The following PARD3 variants were observed in gnomAD, a reference collection of about 807,000 sequenced individuals.
The protein encoded by PARD3 is par-3 family cell polarity regulator, also known as partitioning defective 3 homolog.
PARD3 carries 75 observed loss-of-function variants against 155.4 expected under a neutral mutation model. The ratio of observed to expected loss-of-function variants is 0.48; its 90% CI spans 0.40 to 0.58. The LOEUF is 0.58. Ranked by LOEUF, PARD3 falls within the 20% of genes least tolerant of loss-of-function variation. The pLI is 0.00. For missense variants in PARD3, 1,642 were observed against 1,721.7 expected, an observed-to-expected ratio of 0.95 and a Z score of 0.82; for synonymous variants, 576 against 610.5, an observed-to-expected ratio of 0.94 and a Z score of 0.83.
At chr10:34,684,394 T>C (rs1329025417) in intron 2 of PARD3, among the ~76,000 whole-genome samples, 2 of 152,202 alleles carry the variant, frequency 1.3e-5, no homozygotes. Context: ...CACAGATTTA[T>C]CTACGGTTAG....
intron 22 of PARD3, among the ~76,000 whole-genome samples, chr10:34,198,349 G>C (rs1217149631): frequency 6.6e-6 from 1 of 151,970 alleles, no homozygotes; most frequent in African/African-American, 2.4e-5. Context: ...TAGTGACTCA[G>C]CAAAAGACAG....
intron 5 of PARD3, among the ~76,000 whole-genome samples, chr10:34,439,522 A>G (rs922201917): frequency 2.6e-5 from 4 of 152,006 alleles, no homozygotes; most frequent in African/African-American, 9.7e-5. Flanking sequence ...CAGTGGTGCA[A>G]TCTTGGCTTA....
At chr10:34,525,063 T>G (rs141495415) in intron 2 of PARD3, among the ~76,000 whole-genome samples, 4 of 152,342 alleles carry the variant, frequency 2.6e-5, no homozygotes, top group African/African-American at 9.6e-5. Context: ...CTTGCTAGCA[T>G]GGTTCATTAA....
Position 34,696,355 on chromosome 10 carries a change from T to C in PARD3, c.185A>G (p.Asp62Gly), listed in dbSNP as rs767598249. 1 of 1,612,464 alleles carries C rather than the reference T, an allele frequency of 6.2e-7. No homozygotes were observed. The highest frequency in any genetic ancestry group is 1.7e-5 in the Admixed American group (1 of 60,014). The change falls in exon 2 of 25, where the codon GAT becomes GGT. Residue 62 changes from aspartate (D) to glycine (G), a missense_variant. Coordinates refer to ENST00000374788, the MANE Select transcript of PARD3 (RefSeq NM_001184785.2). ...GTCTGCTACATCACAAAGAATGTCATCAAGGTCTAGTATTCCTCCATCTCC... is the reference window on the plus strand; with the variant it reads ...GTCTGCTACATCACAAAGAATGTCACCAAGGTCTAGTATTCCTCCATCTCC... ...EHGDGGILDL[D>G]DILCDVADDK...
chr10:34,609,286 T>C (rs1471627346), intron 2 of PARD3, among the ~76,000 whole-genome samples: 2 of 152,188 alleles, frequency 1.3e-5, no homozygotes, highest in Admixed American at 6.5e-5. Context: ...TAAAATAAGA[T>C]TCCTCTGTCA....
chr10:34,504,461 A>T (rs1485146227), intron 3 of PARD3, among the ~76,000 whole-genome samples: 1 of 151,636 alleles, frequency 6.6e-6, no homozygotes, highest in African/African-American at 2.4e-5. Flanking sequence ...GTATTTGTTG[A>T]TATGTAGGCA....
At chr10:34,624,303 A>G (rs942820956) in intron 2 of PARD3, among the ~76,000 whole-genome samples, 2 of 152,190 alleles carry the variant, frequency 1.3e-5, no homozygotes, top group African/African-American at 4.8e-5. Context: ...CCTATCAAGC[A>G]TGATGTTTTG....
chr10:34,139,681 C>T (rs1948080915), intron 22 of PARD3, among the ~76,000 whole-genome samples: 1 of 152,138 alleles, frequency 6.6e-6, no homozygotes, highest in African/African-American at 2.4e-5. Context: ...CAGCAGTGAC[C>T]ACCAGCGTCT....
intron 3 of PARD3, among the ~76,000 whole-genome samples, chr10:34,515,824 T>A (rs990767304): frequency 1.3e-5 from 2 of 152,086 alleles, no homozygotes; most frequent in Admixed American, 6.5e-5. Context: ...CTTAATTATA[T>A]ATATATTTTA....
Position 34,608,313 on chromosome 10 carries a change from C to A in PARD3, c.222+88005G>T, listed in dbSNP as rs555172263. Among the ~76,000 whole-genome samples the A allele has an allele frequency of 1.1e-4, 17 of 152,276 alleles. 1 individual carries two copies. The South Asian group carries it at 3.5e-3, about 32-fold the overall frequency. On this transcript the variant is annotated intron_variant, in intron 2 of 24. Coordinates refer to ENST00000374788, the MANE Select transcript of PARD3 (RefSeq NM_001184785.2). ...ACTACCCGCACCCATAGATTCTTGA[C>A]AACGTATATAGCGTAAGAGATAATA...
At chr10:34,740,080 C>T (rs1054677991) in intron 1 of PARD3, among the ~76,000 whole-genome samples, 2 of 152,182 alleles carry the variant, frequency 1.3e-5, no homozygotes, top group African/African-American at 4.8e-5. Context: ...GAGAGAAAAA[C>T]ACAAAGGCGA....
rs1946354235 is a variant in PARD3, at chr10:34,110,916, C to T, written c.*253G>A. 2.8e-6 allele frequency: 1 copy of T among 356,656 alleles called. No individual in the cohort carries two copies. The highest frequency in any genetic ancestry group is 5.0e-6 in the Non-Finnish European group (1 of 198,038). The allele number at this position is 356,656 out of a possible 1,614,324, so 22.1% of individuals were successfully genotyped here. ...CGAGATTCCTGGTACTGTGGAGAGG[C>T]GCAGAGCATATGAACACCTCAAACA... On this transcript the variant is annotated 3_prime_UTR_variant, in exon 25 of 25. Coordinates refer to ENST00000374788, the MANE Select transcript of PARD3 (RefSeq NM_001184785.2).
chr10:34,571,284 A>C (rs555501853), intron 2 of PARD3, among the ~76,000 whole-genome samples: 1 of 152,330 alleles, frequency 6.6e-6, no homozygotes, highest in Admixed American at 6.5e-5. Context: ...ACTGCACTCC[A>C]GCCTAGGTGA....
At chr10:34,795,755 G>T (rs540609888) in intron 1 of PARD3, among the ~76,000 whole-genome samples, 221 of 152,164 alleles carry the variant, frequency 1.5e-3, no homozygotes, top group Non-Finnish European at 2.2e-3. Flanking sequence ...TCAGTCAGGC[G>T]TGGTGGTGCA....
At chr10:34,463,098 AT>A (rs2077768848) in intron 4 of PARD3, among the ~76,000 whole-genome samples, 1 of 98,872 alleles carries the variant, frequency 1.0e-5, no homozygotes. Context: ...GAGGAAAGGA[AT>A]GGGAAAGTGA....
Position 34,687,276 on chromosome 10 carries a change from A to T in PARD3, c.222+9042T>A, listed in dbSNP as rs115855463. Among the ~76,000 whole-genome samples, 1,324 of 152,220 alleles carry T rather than the reference A, an allele frequency of 8.7e-3. 17 individuals are homozygous for T. Among genetic ancestry groups the T allele is most frequent in the African/African-American group, 0.029 (1,203 of 41,534 alleles). On this transcript the variant is annotated intron_variant, in intron 2 of 24. Coordinates refer to ENST00000374788, the MANE Select transcript of PARD3 (RefSeq NM_001184785.2). ...AGTATGTAAGTTAGAGACTATACCCAGGGCAAGGGGGCTGGGGAAGGATGG... is the reference window on the plus strand; with the variant it reads ...AGTATGTAAGTTAGAGACTATACCCTGGGCAAGGGGGCTGGGGAAGGATGG...
At chr10:34,625,740 C>T (rs984189307) in intron 2 of PARD3, among the ~76,000 whole-genome samples, 1 of 152,000 alleles carries the variant, frequency 6.6e-6, no homozygotes, top group African/African-American at 2.4e-5. Flanking sequence ...TGGAGAAACC[C>T]TGTCTCTACT....
chr10:34,261,793 G>GAA (rs1414103810), intron 22 of PARD3, among the ~76,000 whole-genome samples: 1 of 52,466 alleles, frequency 1.9e-5, no homozygotes, highest in Non-Finnish European at 6.2e-5. Context: ...AAGAAAGAAA[G>GAA]AAAGAAAGAA....
At chr10:34,636,721 G>A (rs961218863) in intron 2 of PARD3, among the ~76,000 whole-genome samples, 1 of 152,326 alleles carries the variant, frequency 6.6e-6, no homozygotes, top group South Asian at 2.1e-4. Flanking sequence ...GCGCTCTAGG[G>A]GAGGATTCAT....
Sources: allele counts gnomAD v4.1 joint callset (sites outside exome capture counted in the v4.1 genomes callset), GRCh38; gene constraint gnomAD v4.1.1; transcripts MANE v1.5; gene names NCBI Gene and HGNC (gene_info 2026-07-23, HGNC 2026-07-21).